Variants in KCNMB2 observed in about 807,000 individuals in gnomAD.
KCNMB2 encodes the protein potassium calcium-activated channel subfamily M regulatory beta subunit 2.
Under a neutral mutation model 24.5 loss-of-function variants are expected in KCNMB2, and 9 were observed. The observed-to-expected ratio is 0.37, with a 90% CI of 0.22 to 0.64. The LOEUF (loss-of-function observed/expected upper bound fraction) is 0.64, where lower values mean the gene tolerates loss of function less well. KCNMB2 is among the 30% of genes least tolerant of loss of function. The pLI is 0.63. For synonymous variants in KCNMB2, 109 were observed against 104.4 expected (o/e 1.04, Z -0.27); for missense variants, 226 against 284.3 (o/e 0.79, Z 1.47).
At chr3:178,724,090 G>A (rs1577127304) in intron 1 of KCNMB2, among the ~76,000 whole-genome samples, 2 of 152,136 alleles carry the variant, frequency 1.3e-5, no homozygotes, top group African/African-American at 2.4e-5. Flanking sequence ...GAACTAATTT[G>A]CATTCCCACT....
At chr3:178,578,031 CACAAAGAT>C (rs1717058510) in intron 1 of KCNMB2, among the ~76,000 whole-genome samples, 1 of 152,114 alleles carries the variant, frequency 6.6e-6, no homozygotes, top group South Asian at 2.1e-4. Flanking sequence ...CAGAGAACAC[CACAAAGAT>C]ACTCCTTGAG....
At chr3:178,556,154 GT>G (rs1716118227) in intron 1 of KCNMB2, among the ~76,000 whole-genome samples, 1 of 152,190 alleles carries the variant, frequency 6.6e-6, no homozygotes, top group Admixed American at 6.5e-5. Flanking sequence ...GGTGAAATCA[GT>G]AGAAGATGAT....
intron 1 of KCNMB2, among the ~76,000 whole-genome samples, chr3:178,664,778 T>A (rs1250971393): frequency 6.6e-6 from 1 of 152,076 alleles, no homozygotes; most frequent in Non-Finnish European, 1.5e-5. Context: ...AATAATGGCA[T>A]CCTTCTTAAA....
chr3:178,769,032 C>A (rs953486879), intron 1 of KCNMB2, among the ~76,000 whole-genome samples: 1 of 152,178 alleles, frequency 6.6e-6, no homozygotes, highest in Non-Finnish European at 1.5e-5. Context: ...CAACCCAATC[C>A]CTCCTCTAAG....
At chr3:178,561,036 C>CA (rs1264871564) in intron 1 of KCNMB2, among the ~76,000 whole-genome samples, 1 of 152,090 alleles carries the variant, frequency 6.6e-6, no homozygotes, top group African/African-American at 2.4e-5. Context: ...CCTCTGCATC[C>CA]AAAAAAGTGC....
intron 1 of KCNMB2, among the ~76,000 whole-genome samples, chr3:178,571,968 T>C (rs1344774887): frequency 6.6e-6 from 1 of 152,238 alleles, no homozygotes; most frequent in African/African-American, 2.4e-5. Context: ...GTGTTTGCTA[T>C]TGTAAATAGT....
intron 1 of KCNMB2, among the ~76,000 whole-genome samples, chr3:178,629,115 C>T (rs1326729349): frequency 6.6e-6 from 1 of 152,096 alleles, no homozygotes; most frequent in Non-Finnish European, 1.5e-5. Context: ...CCCCCAACTC[C>T]CTATTTCAGT....
At chr3:178,818,944 T>C (rs1714515593) in intron 2 of KCNMB2, among the ~76,000 whole-genome samples, 1 of 150,624 alleles carries the variant, frequency 6.6e-6, no homozygotes, top group African/African-American at 2.5e-5. Flanking sequence ...CCTTTCTCAA[T>C]CATTTGCTCG....
At chr3:178,832,118 T>C (rs1431995198) in intron 4 of KCNMB2, among the ~76,000 whole-genome samples, 1 of 152,186 alleles carries the variant, frequency 6.6e-6, no homozygotes, top group Non-Finnish European at 1.5e-5. Flanking sequence ...CTATCTAGGA[T>C]CATCTTTACT....
At chr3:178,750,050 T>G (rs1162345623) in intron 1 of KCNMB2, among the ~76,000 whole-genome samples, 1 of 152,162 alleles carries the variant, frequency 6.6e-6, no homozygotes, top group Non-Finnish European at 1.5e-5. Flanking sequence ...TTTAAGACAC[T>G]AAATTTGTAG....
At chr3:178,593,449 T>C (rs1312039049) in intron 1 of KCNMB2, among the ~76,000 whole-genome samples, 1 of 152,096 alleles carries the variant, frequency 6.6e-6, no homozygotes, top group Non-Finnish European at 1.5e-5. Flanking sequence ...AAGACATGAT[T>C]TGACTTTTAT....
At position 178,842,787 on chromosome 3, in the gene KCNMB2, C is replaced by A; in HGVS notation, c.558C>A (p.Ile186=). Reference sequence around the variant, plus strand: ...CAGAAGGAAACCAGAAGAGTGTTATCCTAACAAAACTCTACAGTTCCAACG... The same window carrying A: ...CAGAAGGAAACCAGAAGAGTGTTATACTAACAAAACTCTACAGTTCCAACG... ...SDPEGNQKSV[I]LTKLYSSNVL... The change falls in exon 5 of 5, where the codon ATC becomes ATA. Residue 186 remains isoleucine, a synonymous_variant. Coordinates refer to ENST00000452583, the MANE Select transcript of KCNMB2 (RefSeq NM_181361.3). 1 of 1,613,952 alleles carries A rather than the reference C, an allele frequency of 6.2e-7. No individual in the cohort carries two copies.
intron 1 of KCNMB2, among the ~76,000 whole-genome samples, chr3:178,724,310 G>A (rs568019599): frequency 6.6e-6 from 1 of 152,110 alleles, no homozygotes; most frequent in African/African-American, 2.4e-5. Context: ...GTCTTCTTTT[G>A]AGAAGGATCT....
chr3:178,835,392 C>G (rs924506548), intron 4 of KCNMB2, among the ~76,000 whole-genome samples: 2 of 152,134 alleles, frequency 1.3e-5, no homozygotes, highest in Non-Finnish European at 2.9e-5. Flanking sequence ...CAGTAAAGAG[C>G]ATGAAGTCTC....
At chr3:178,641,620 CT>C (rs920639758) in intron 1 of KCNMB2, among the ~76,000 whole-genome samples, 1 of 151,940 alleles carries the variant, frequency 6.6e-6, no homozygotes, top group African/African-American at 2.4e-5. Context: ...ATGAATAAAG[CT>C]TTTTTTTCTT....
intron 1 of KCNMB2, among the ~76,000 whole-genome samples, chr3:178,682,572 A>G (rs1189263136): frequency 6.6e-6 from 1 of 152,190 alleles, no homozygotes; most frequent in Non-Finnish European, 1.5e-5. Flanking sequence ...TAATATCTAC[A>G]TTAAAGCAAA....
intron 1 of KCNMB2, among the ~76,000 whole-genome samples, chr3:178,588,243 C>CA (rs976922676): frequency 7.9e-5 from 12 of 151,060 alleles, no homozygotes; most frequent in African/African-American, 1.5e-4. Flanking sequence ...AGGTCCCATG[C>CA]AAAAAAAAGG....
intron 1 of KCNMB2, among the ~76,000 whole-genome samples, chr3:178,760,639 A>T (rs896104216): frequency 6.6e-6 from 1 of 151,172 alleles, no homozygotes; most frequent in Non-Finnish European, 1.5e-5. Flanking sequence ...TTTCTTTTAC[A>T]AGAAGGAAAT....
chr3:178,690,929 T>C (rs1337114355), intron 1 of KCNMB2, among the ~76,000 whole-genome samples: 1 of 151,932 alleles, frequency 6.6e-6, no homozygotes, highest in Non-Finnish European at 1.5e-5. Context: ...GCAAAGTATT[T>C]TTATGTTTAT....
Sources: allele counts gnomAD v4.1 joint callset (sites outside exome capture counted in the v4.1 genomes callset), GRCh38; gene constraint gnomAD v4.1.1; transcripts MANE v1.5; gene names NCBI Gene and HGNC (gene_info 2026-07-23, HGNC 2026-07-21).